VWF: variants seen among roughly 807,000 people sequenced by gnomAD.
The protein encoded by VWF is Factor VIII related antigen.
A neutral mutation model predicts 308.6 loss-of-function variants in VWF; 176 were observed. The observed-to-expected ratio is 0.57, with a 90% CI of 0.50 to 0.65. The LOEUF (loss-of-function observed/expected upper bound fraction) is 0.65. Among genes scored for constraint, VWF ranks in the 30% least tolerant of loss-of-function variants. VWF has a pLI of 0.00. For synonymous variants in VWF, 1,385 were observed against 1,443.4 expected (o/e 0.96, Z 0.92); for missense variants, 3,146 against 3,648.2 (o/e 0.86, Z 3.55).
chr12:6,095,503 G>A lies in VWF; in HGVS notation c.614C>T (p.Pro205Leu). The change falls in exon 6 of 52, where the codon CCT becomes CTT. Residue 205 changes from proline (P) to leucine (L), a missense_variant. Physicochemically the swap from Pro to Leu is moderately conservative, Grantham distance 98. Around this residue, in one of 3 missense-constraint regions of VWF, gnomAD observed 1,304 missense variants for 1,353.0 expected, o/e 0.96. Transcript: ENST00000261405. ...SGEQWCERAS[P>L]PSSSCNISSG... ...GGAGATGTTGCATGAGCTGCTGGGA[G>A]GAGATGCCCGTTCACACCACTGTTC... is the stretch of plus-strand genomic sequence containing the variant. 1 of 1,614,126 alleles carries A rather than the reference G, an allele frequency of 6.2e-7. No individual in the cohort carries two copies. Among genetic ancestry groups the A allele is most frequent in the Non-Finnish European group, 8.5e-7 (1 of 1,180,030 alleles).
intron 3 of VWF, among the ~76,000 whole-genome samples, chr12:6,120,537 A>G (rs1945417657): frequency 6.6e-6 from 1 of 152,166 alleles, no homozygotes; most frequent in Non-Finnish European, 1.5e-5. Flanking sequence ...TCTTGACCTC[A>G]GGTGATCCAC....
intron 5 of VWF, among the ~76,000 whole-genome samples, chr12:6,101,941 A>G (rs1440716185): frequency 1.3e-5 from 2 of 151,260 alleles, no homozygotes; most frequent in Non-Finnish European, 2.9e-5. Flanking sequence ...TTGGCTTTTT[A>G]GAAAATTAAG....
At chr12:5,955,221 T>C (rs1004454417) in intron 47 of VWF, among the ~76,000 whole-genome samples, 3 of 151,946 alleles carry the variant, frequency 2.0e-5, no homozygotes, top group East Asian at 3.9e-4. Context: ...AGGCAGGAAT[T>C]TTTTTTTTAT....
rs181169350 is a variant in VWF at position 5,998,415 on chromosome 12, G to A, written c.5843-2193C>T. Among the ~76,000 whole-genome samples the A allele has an allele frequency of 3.1e-3, 435 of 139,806 alleles. 2 individuals carry two copies. The highest frequency in any genetic ancestry group is 4.3e-3 in the Non-Finnish European group (285 of 65,964). 91.7% of individuals were successfully genotyped at this position (139,806 alleles called of 152,430 possible). A position where few individuals can be genotyped will look rare whatever the true frequency, so the allele number is the denominator to read the frequency against. On this transcript the variant is annotated intron_variant, in intron 34 of 51. Transcript: ENST00000261405. ...CGGGAGGCTGAGGCAGGAGACTGGC[G>A]TGAACTCGGGAGGCAGAGCTTGCAG...
At position 6,018,552 on chromosome 12, in the gene VWF, G is replaced by C; in HGVS notation, c.4866C>G (p.Asp1622Glu). The change falls in exon 28 of 52, where the codon GAC becomes GAG. Residue 1622 changes from aspartate to glutamate, a missense_variant. Coordinates refer to ENST00000261405, the MANE Select transcript of VWF (RefSeq NM_000552.5). ...CCACTCCAATGGGCACCACCTGGATGTCTCCAGGCAGCCTCTTGATCTCAT... is the reference window on the plus strand; with the variant it reads ...CCACTCCAATGGGCACCACCTGGATCTCTCCAGGCAGCCTCTTGATCTCAT... Reference protein sequence around the residue: ...ASDEIKRLPGDIQVVPIGVGP... With the variant: ...ASDEIKRLPGEIQVVPIGVGP... 1 of 1,613,992 alleles carries C rather than the reference G, an allele frequency of 6.2e-7. No homozygotes were observed. Among genetic ancestry groups the C allele is most frequent in the Non-Finnish European group, 8.5e-7 (1 of 1,179,900 alleles).
intron 34 of VWF, among the ~76,000 whole-genome samples, chr12:6,008,050 CATAATCTCTCA>C (rs902316952): frequency 1.7e-4 from 26 of 152,104 alleles, no homozygotes; most frequent in African/African-American, 6.3e-4. Context: ...AATTAGTAAT[CATAATCTCTCA>C]ATAAATAAGA....
At position 5,952,419 on chromosome 12, in the gene VWF, A is replaced by G. The variant is rs774529699; in HGVS notation, c.8087T>C (p.Phe2696Ser). 4 of 1,614,080 alleles carry G rather than the reference A, an allele frequency of 2.5e-6. No homozygotes were observed. The East Asian group carries it at 6.7e-5, about 27-fold the overall frequency. Residue 2696 changes from phenylalanine to serine, a missense_variant, in exon 49 of 52, where the codon TTT (phenylalanine) becomes TCT (serine). Phe to Ser is a radical substitution (Grantham distance 155, BLOSUM62 -2). Around this residue, in one of 3 missense-constraint regions of VWF, gnomAD observed 989 missense variants for 1,117.4 expected, o/e 0.89. Transcript: ENST00000261405. ...WEKRVTGCPP[F>S]DEHKCLAEGG... ...CTCAGCCAGACACTTGTGTTCATCA[A>G]AGGGTGGGCAGCCTGTGACCCTCTT...
chr12:6,065,585 C>A (rs1944704869), intron 10 of VWF, among the ~76,000 whole-genome samples: 1 of 152,212 alleles, frequency 6.6e-6, no homozygotes, highest in Non-Finnish European at 1.5e-5. Context: ...AGGCTCCCTG[C>A]AGCCTCCCCT....
At chr12:6,028,059 C>G (rs1944215804) in intron 22 of VWF, among the ~76,000 whole-genome samples, 1 of 152,140 alleles carries the variant, frequency 6.6e-6, no homozygotes, top group Non-Finnish European at 1.5e-5. Context: ...CTGGCTTGTA[C>G]AAGCTGAAAA....
intron 6 of VWF, among the ~76,000 whole-genome samples, chr12:6,090,547 C>A (rs1341654952): frequency 6.6e-6 from 1 of 152,148 alleles, no homozygotes; most frequent in African/African-American, 2.4e-5. Flanking sequence ...AAGGCAGGGG[C>A]ACTCCAGCGG....
At chr12:6,036,513 G>A (rs780625067) in intron 18 of VWF, 22 bp from the exon 19 acceptor site, 17 of 1,610,122 alleles carry the variant, frequency 1.1e-5, no homozygotes, top group Non-Finnish European at 1.4e-5. Flanking sequence ...GAATCCAAAA[G>A]TCCTCAGGGC....
At position 5,991,955 on chromosome 12, in the gene VWF, T is replaced by C. The variant is rs1943750031; in HGVS notation, c.6662A>G (p.Asp2221Gly). Residue 2221 changes from aspartate to glycine, a missense_variant, in exon 38 of 52, where the codon GAT becomes GGT. Physicochemically the swap from Asp to Gly is moderately conservative, Grantham distance 94. Transcript: ENST00000261405. Reference protein sequence around the residue: ...HCEHGCPRHCDGNVSSCGDHP... With the variant: ...HCEHGCPRHCGGNVSSCGDHP... ...GTCCCCACAGGAGCTCACGTTGCCA[T>C]CACAGTGCCGGGGACAGCCATGCTC... The C allele has an allele frequency of 1.9e-6, 3 of 1,614,184 alleles. No homozygotes were observed. Among genetic ancestry groups the C allele is most frequent in the Non-Finnish European group, 2.5e-6 (3 of 1,180,026 alleles).
chr12:6,072,596 G>A (rs1944794034), intron 8 of VWF, among the ~76,000 whole-genome samples, 154 bp from the exon 9 acceptor site: 1 of 152,176 alleles, frequency 6.6e-6, no homozygotes, highest in Non-Finnish European at 1.5e-5. Context: ...TGCAATATAA[G>A]GAAGGGAAAT....
intron 5 of VWF, among the ~76,000 whole-genome samples, chr12:6,107,183 T>C (rs1307228586): frequency 6.6e-6 from 1 of 152,188 alleles, no homozygotes; most frequent in East Asian, 1.9e-4. Flanking sequence ...AAATAGGGTA[T>C]GATTACAGTC....
intron 6 of VWF, among the ~76,000 whole-genome samples, chr12:6,077,405 G>A (rs1591903631): frequency 6.6e-6 from 1 of 152,174 alleles, no homozygotes; most frequent in South Asian, 2.1e-4. Flanking sequence ...AGGCTCATGG[G>A]GACAGCCATC....
intron 28 of VWF, 26 bp downstream of exon 28, chr12:6,018,339 C>T (rs1161787807): frequency 3.1e-6 from 5 of 1,601,968 alleles, no homozygotes; most frequent in Non-Finnish European, 4.3e-6. Flanking sequence ...CCAGCCCTCC[C>T]ACCTGCACAC....
At chr12:5,982,611 A>G (rs1053037400) in intron 41 of VWF, among the ~76,000 whole-genome samples, 5 of 152,150 alleles carry the variant, frequency 3.3e-5, no homozygotes, top group African/African-American at 9.7e-5. Flanking sequence ...GAGTGTCCAC[A>G]TCAGCAGGAC....
rs1313143021 is a variant in VWF, at chr12:6,075,216, C to T, written c.874+119G>A. On this transcript the variant is annotated intron_variant, in intron 7 of 51. Transcript: ENST00000261405. This position sits in a 1 kb window ranked among gnomAD's most constrained non-coding sequence, Gnocchi z 4.7. ...GGACACGTGGCTTTGTAGTCACTGG[C>T]TGGCTGGGTGTGGTAAAGCCGCACA... The T allele has an allele frequency of 2.3e-6, 3 of 1,301,334 alleles. No individual in the cohort carries two copies. The highest frequency in any genetic ancestry group is 3.2e-6 in the Non-Finnish European group (3 of 923,630). 80.6% of individuals were successfully genotyped at this position (1,301,334 alleles called of 1,614,324 possible).
chr12:5,987,361 T>C (rs1943690564), intron 38 of VWF, among the ~76,000 whole-genome samples: 1 of 152,224 alleles, frequency 6.6e-6, no homozygotes, highest in African/African-American at 2.4e-5. Context: ...ACCAGATAAG[T>C]AGTAGTATCT....
Sources: gnomAD v4.1 joint callset for allele counts (sites outside exome capture counted in the v4.1 genomes callset) on GRCh38, gnomAD v4.1.1 for gene constraint, gnomAD v4.1.1 regional missense constraint, Gnocchi (gnomAD v3.1) non-coding constraint, MANE v1.5 for transcripts, NCBI Gene and HGNC (gene_info 2026-07-23, HGNC 2026-07-21) for gene names.